Variants in UBE2R2 observed in about 807,000 individuals in gnomAD.
The protein encoded by UBE2R2 is ubiquitin-conjugating enzyme E2 R2.
Under a neutral mutation model 27.8 loss-of-function variants are expected in UBE2R2, and 1 was observed. The ratio of observed to expected loss-of-function variants is 0.04; its 90% CI spans 0.01 to 0.17. The LOEUF (loss-of-function observed/expected upper bound fraction) is 0.17, where lower values mean the gene tolerates loss of function less well. Among genes scored for constraint, UBE2R2 ranks in the 10% least tolerant of loss-of-function variants. The probability of loss-of-function intolerance (pLI) is 1.00; values close to 1 mark genes in which losing one functional copy is unlikely to be tolerated. For synonymous variants in UBE2R2, 106 were observed against 113.3 expected (o/e 0.94, Z 0.41); for missense variants, 100 against 291.0 (o/e 0.34, Z 4.78).
chr9:33,824,900 T>G (rs755253573), intron 1 of UBE2R2, among the ~76,000 whole-genome samples: 44 of 152,152 alleles, frequency 2.9e-4, no homozygotes, highest in Non-Finnish European at 5.4e-4. Flanking sequence ...ACCATTTCAT[T>G]GAAATCTTTT....
In UBE2R2 at chr9:33,894,176, A is replaced by T. The variant is rs543719761; in HGVS notation, c.265-5998A>T. On this transcript the variant is annotated intron_variant, in intron 2 of 4. Coordinates refer to ENST00000263228, the MANE Select transcript of UBE2R2 (RefSeq NM_017811.4). ...GCTAGGTGCAGTGGCTCACATCTGT[A>T]ATTTCAGCACTTTTAAAGGCCAAGG... Among the ~76,000 whole-genome samples the T allele has an allele frequency of 7.9e-5, 12 of 152,142 alleles. No homozygotes were observed. In the South Asian group the frequency reaches 2.5e-3, roughly 32 times the overall value.
chr9:33,902,594 A>G (rs544560111), intron 3 of UBE2R2, among the ~76,000 whole-genome samples: 66 of 152,350 alleles, frequency 4.3e-4, no homozygotes, highest in African/African-American at 1.4e-3. Context: ...CATAATTGCT[A>G]GATGCCTGTA....
At chr9:33,822,733 T>A (rs1204296095) in intron 1 of UBE2R2, among the ~76,000 whole-genome samples, 2 of 151,728 alleles carry the variant, frequency 1.3e-5, no homozygotes, top group Non-Finnish European at 2.9e-5. Context: ...CCAAATAATT[T>A]TTTTTTTAAT....
At chr9:33,834,951 A>G (rs1238548188) in intron 1 of UBE2R2, among the ~76,000 whole-genome samples, 1 of 151,656 alleles carries the variant, frequency 6.6e-6, no homozygotes, top group Admixed American at 6.6e-5. Context: ...AAAAGAAAAT[A>G]TTGATAAACA....
intron 1 of UBE2R2, among the ~76,000 whole-genome samples, chr9:33,865,178 C>T (rs545269014): frequency 6.6e-6 from 1 of 150,948 alleles, no homozygotes; most frequent in African/African-American, 2.4e-5. Flanking sequence ...TTCTGTCTGT[C>T]TCTCTGTCTC....
intron 1 of UBE2R2, among the ~76,000 whole-genome samples, chr9:33,840,186 C>T (rs1039204773): frequency 3.3e-5 from 5 of 151,912 alleles, no homozygotes; most frequent in South Asian, 4.2e-4. Context: ...AAAAATAAGG[C>T]GAATATCCAT....
intron 1 of UBE2R2, among the ~76,000 whole-genome samples, chr9:33,856,703 GTTTTC>G (rs772112652): frequency 1.3e-5 from 2 of 150,214 alleles, no homozygotes; most frequent in South Asian, 2.1e-4. Flanking sequence ...TTTTCCTGAA[GTTTTC>G]TTTTTTTTTT....
chr9:33,908,235 G>A (rs974952741), intron 3 of UBE2R2, among the ~76,000 whole-genome samples: 9 of 152,198 alleles, frequency 5.9e-5, no homozygotes, highest in Admixed American at 2.0e-4. Flanking sequence ...GACCAATGCT[G>A]TCAGCTTTCC....
intron 1 of UBE2R2, among the ~76,000 whole-genome samples, chr9:33,852,034 G>A (rs1276265315): frequency 2.0e-5 from 3 of 152,122 alleles, no homozygotes; most frequent in South Asian, 2.1e-4. Flanking sequence ...TAATTAGGCC[G>A]GGTGCAGTGG....
chr9:33,843,886 C>T (rs1438039866), intron 1 of UBE2R2, among the ~76,000 whole-genome samples: 2 of 152,190 alleles, frequency 1.3e-5, no homozygotes, highest in African/African-American at 4.8e-5. Flanking sequence ...TTTACCACTG[C>T]ATAAGTTTTG....
intron 1 of UBE2R2, among the ~76,000 whole-genome samples, chr9:33,840,882 G>C (rs1820718752): frequency 6.6e-6 from 1 of 151,942 alleles, no homozygotes; most frequent in Non-Finnish European, 1.5e-5. Context: ...TAGTGACTTA[G>C]TTCCCTATTA....
chr9:33,843,170 T>G (rs1436097573), intron 1 of UBE2R2, among the ~76,000 whole-genome samples: 1 of 148,090 alleles, frequency 6.8e-6, no homozygotes, highest in African/African-American at 2.5e-5. Context: ...TGCCTCAGCC[T>G]CCCAAATAGC....
At chr9:33,863,739 G>A (rs1444552131) in intron 1 of UBE2R2, among the ~76,000 whole-genome samples, 1 of 152,056 alleles carries the variant, frequency 6.6e-6, no homozygotes, top group African/African-American at 2.4e-5. Flanking sequence ...CTCTGCTGGA[G>A]TGCAGTGGCA....
chr9:33,820,879 C>A (rs1484921528), intron 1 of UBE2R2, among the ~76,000 whole-genome samples: 4 of 152,154 alleles, frequency 2.6e-5, no homozygotes, highest in African/African-American at 9.7e-5. Flanking sequence ...ATTTGTGAGA[C>A]CTGTATTTCA....
chr9:33,911,551 A>G (rs73645564), intron 3 of UBE2R2, among the ~76,000 whole-genome samples: 2,774 of 152,162 alleles, frequency 0.018, 73 homozygotes, highest in East Asian at 0.12. Context: ...TAAAATAAAC[A>G]GTATTTGAAA....
intron 4 of UBE2R2, among the ~76,000 whole-genome samples, chr9:33,912,639 T>C (rs1822519572): frequency 1.3e-5 from 2 of 149,766 alleles, no homozygotes; most frequent in African/African-American, 4.9e-5. Flanking sequence ...AAAAAAAAAA[T>C]TGAATAAATA....
At chr9:33,830,524 T>G (rs2130724646) in intron 1 of UBE2R2, among the ~76,000 whole-genome samples, 1 of 148,150 alleles carries the variant, frequency 6.7e-6, no homozygotes, top group Admixed American at 6.7e-5. Flanking sequence ...CCCAGCACTT[T>G]GGGAGGTCGA....
chr9:33,891,339 C>G (rs908781528), intron 2 of UBE2R2, among the ~76,000 whole-genome samples: 2 of 149,354 alleles, frequency 1.3e-5, no homozygotes, highest in African/African-American at 2.4e-5. Context: ...ACACCCAGCT[C>G]TTATGTTTTT....
At chr9:33,911,892 C>A in intron 3 of UBE2R2, 72 bp from the exon 4 acceptor site, 1 of 1,433,312 alleles carries the variant, frequency 7.0e-7, no homozygotes, top group South Asian at 1.6e-5. Context: ...ATTGTACTAT[C>A]TTAAAAAGCA....
Sources: allele counts gnomAD v4.1 joint callset (sites outside exome capture counted in the v4.1 genomes callset), GRCh38; gene constraint gnomAD v4.1.1; transcripts MANE v1.5; gene names NCBI Gene and HGNC (gene_info 2026-07-23, HGNC 2026-07-21).